Variants in TBC1D22A observed in about 807,000 individuals in gnomAD.
The protein encoded by TBC1D22A is TBC1 domain family member 22A, also known as putative GTPase activator.
A neutral mutation model predicts 60.2 loss-of-function variants in TBC1D22A; 38 were observed. That is an observed-to-expected ratio of 0.63 (90% CI 0.49 to 0.83). The LOEUF is 0.83. TBC1D22A is among the 40% of genes least tolerant of loss of function. The pLI, the probability that TBC1D22A is intolerant of heterozygous loss-of-function variation, is 0.00. For missense variants in TBC1D22A, 628 were observed against 701.0 expected (o/e 0.90, Z 1.18); for synonymous variants, 302 against 281.7 (o/e 1.07, Z -0.72).
At chr22:47,061,411 G>C (rs1237913632) in intron 11 of TBC1D22A, among the ~76,000 whole-genome samples, 1 of 151,930 alleles carries the variant, frequency 6.6e-6, no homozygotes, top group Non-Finnish European at 1.5e-5. Flanking sequence ...TGGTTCCCTG[G>C]TTCTGGTAGT....
chr22:46,964,830 G>A (rs1400673144), intron 8 of TBC1D22A, among the ~76,000 whole-genome samples: 1 of 152,208 alleles, frequency 6.6e-6, no homozygotes, highest in Non-Finnish European at 1.5e-5. Context: ...TCCTGGCAAG[G>A]CCATGCCTGT....
At chr22:47,039,307 G>T (rs1462186021) in intron 11 of TBC1D22A, among the ~76,000 whole-genome samples, 2 of 151,930 alleles carry the variant, frequency 1.3e-5, no homozygotes. Flanking sequence ...AAGAATCGGG[G>T]GTATTTCTAT....
At chr22:47,036,933 TG>T in intron 10 of TBC1D22A, 137 bp from the exon 11 acceptor site, 3 of 925,806 alleles carry the variant, frequency 3.2e-6, no homozygotes, top group African/African-American at 1.6e-5. Context: ...CTTTGCTCCT[TG>T]GGGGTTGTTG....
chr22:46,825,885 C>CTT (rs139593), intron 4 of TBC1D22A, among the ~76,000 whole-genome samples: 164 of 141,758 alleles, frequency 1.2e-3, no homozygotes, highest in Admixed American at 4.0e-3. Flanking sequence ...TGGTGGTCTT[C>CTT]TTTTTTTTTT....
At chr22:47,025,654 C>T (rs1188514315) in intron 10 of TBC1D22A, among the ~76,000 whole-genome samples, 1 of 152,184 alleles carries the variant, frequency 6.6e-6, no homozygotes, top group African/African-American at 2.4e-5. Context: ...CTAAGCAGTA[C>T]TTAGAGGTCA....
intron 11 of TBC1D22A, among the ~76,000 whole-genome samples, chr22:47,085,785 G>C (rs573956576): frequency 1.3e-3 from 192 of 152,116 alleles, no homozygotes; most frequent in Non-Finnish European, 2.3e-3. Flanking sequence ...AAGGGCCAAG[G>C]ATTCAAATAA....
Position 46,867,285 on chromosome 22 carries a change from C to T in TBC1D22A, c.638-11368C>T, listed in dbSNP as rs551562780. Among the ~76,000 whole-genome samples the T allele has an allele frequency of 2.0e-5, 3 of 152,304 alleles. No individual in the cohort carries two copies. In the South Asian group the frequency reaches 6.2e-4, roughly 32 times the overall value. On this transcript the variant is annotated intron_variant, in intron 4 of 12. Transcript: ENST00000337137. ...TATATGCTGCTGCCAGTGCTTGGAACACAGTGACAAAACAAACAGCTGTGC... is the reference window on the plus strand; with the variant it reads ...TATATGCTGCTGCCAGTGCTTGGAATACAGTGACAAAACAAACAGCTGTGC...
chr22:47,110,741 C>G (rs1223546826), intron 11 of TBC1D22A, among the ~76,000 whole-genome samples: 3 of 152,194 alleles, frequency 2.0e-5, no homozygotes, highest in Non-Finnish European at 4.4e-5. Context: ...AGGTAGCACC[C>G]CAAGAACTGG....
chr22:47,076,447 A>G (rs1249001303), intron 11 of TBC1D22A, among the ~76,000 whole-genome samples: 1 of 150,724 alleles, frequency 6.6e-6, no homozygotes, highest in East Asian at 2.0e-4. Flanking sequence ...TGCATTTAAA[A>G]TAGAAACCAG....
At chr22:47,033,632 G>C (rs131954) in intron 10 of TBC1D22A, among the ~76,000 whole-genome samples, 64,138 of 152,076 alleles carry the variant, frequency 0.42, 15,654 homozygotes, top group African/African-American at 0.68. Context: ...TGTATAGAAC[G>C]AAGAAGAGGG....
At chr22:47,166,145 C>A (rs6008051) in intron 12 of TBC1D22A, among the ~76,000 whole-genome samples, 1 of 152,046 alleles carries the variant, frequency 6.6e-6, no homozygotes, top group Non-Finnish European at 1.5e-5. Context: ...CGAGTTTTGC[C>A]ACTGCACGCA....
chr22:46,827,258 C>T (rs962346754), intron 4 of TBC1D22A, among the ~76,000 whole-genome samples: 6 of 152,194 alleles, frequency 3.9e-5, no homozygotes, highest in African/African-American at 7.2e-5. Flanking sequence ...CGTCACCACG[C>T]GATGGTGTTG....
At chr22:47,112,498 T>C (rs2065887669) in intron 12 of TBC1D22A, among the ~76,000 whole-genome samples, 2 of 152,332 alleles carry the variant, frequency 1.3e-5, no homozygotes, top group African/African-American at 4.8e-5. Context: ...TCCCCAGCTC[T>C]GTGCTTGGCA....
chr22:47,037,033 C>T (rs2062679313), intron 10 of TBC1D22A, 38 bp from the exon 11 acceptor site: 1 of 1,611,138 alleles, frequency 6.2e-7, no homozygotes. Flanking sequence ...CCATAGGGCT[C>T]CCCTGACAGC....
intron 11 of TBC1D22A, among the ~76,000 whole-genome samples, chr22:47,063,708 C>G (rs968513754): frequency 6.6e-6 from 1 of 152,146 alleles, no homozygotes; most frequent in African/African-American, 2.4e-5. Flanking sequence ...CCTGAGAGTT[C>G]TGGAATTGGG....
intron 11 of TBC1D22A, among the ~76,000 whole-genome samples, chr22:47,100,101 G>C (rs2065350844): frequency 6.6e-6 from 1 of 152,222 alleles, no homozygotes; most frequent in African/African-American, 2.4e-5. Context: ...CTGAAACCCA[G>C]CTGGGTGGCT....
At chr22:47,045,265 C>G (rs572950533) in intron 11 of TBC1D22A, among the ~76,000 whole-genome samples, 3 of 152,224 alleles carry the variant, frequency 2.0e-5, no homozygotes, top group African/African-American at 7.2e-5. Context: ...GTCCCTCGGA[C>G]TCTGCGGGAA....
chr22:46,769,248 C>T (rs988031319), intron 1 of TBC1D22A, among the ~76,000 whole-genome samples: 5 of 152,174 alleles, frequency 3.3e-5, no homozygotes, highest in African/African-American at 1.2e-4. Context: ...GCCAGAGCCA[C>T]GAGATGTCTG....
At chr22:46,845,830 T>G (rs1047729723) in intron 4 of TBC1D22A, among the ~76,000 whole-genome samples, 1 of 152,224 alleles carries the variant, frequency 6.6e-6, no homozygotes, top group African/African-American at 2.4e-5. Flanking sequence ...AGTTGCAAGC[T>G]GGGGACTTCA....
Sources: gnomAD v4.1 joint callset for allele counts (sites outside exome capture counted in the v4.1 genomes callset) on GRCh38, gnomAD v4.1.1 for gene constraint, MANE v1.5 for transcripts, NCBI Gene and HGNC (gene_info 2026-07-23, HGNC 2026-07-21) for gene names.